The following MRPL44 variants were observed in gnomAD, a reference collection of about 807,000 sequenced individuals.
MRPL44 encodes mitochondrial ribosomal protein L44.
A neutral mutation model predicts 25.9 loss-of-function variants in MRPL44; 21 were observed. The ratio of observed to expected loss-of-function variants is 0.81; its 90% CI spans 0.58 to 1.17. MRPL44 has a LOEUF of 1.17. MRPL44 is among the 50% of genes most tolerant of loss of function. The pLI, the probability that MRPL44 is intolerant of heterozygous loss-of-function variation, is 0.00. For synonymous variants in MRPL44, 169 were observed against 151.0 expected (o/e 1.12, Z -0.87); for missense variants, 410 against 398.9 (o/e 1.03, Z -0.24).
chr2:223,964,085 G>A (rs766453649), intron 3 of MRPL44, 151 bp downstream of exon 3: 2 of 576,198 alleles, frequency 3.5e-6, no homozygotes, highest in East Asian at 6.8e-5. Flanking sequence ...TGCATGAAAA[G>A]ATTTTTTAAA....
intron 2 of MRPL44, among the ~76,000 whole-genome samples, chr2:223,960,410 T>C (rs1375059066): frequency 6.6e-6 from 1 of 152,238 alleles, no homozygotes; most frequent in Non-Finnish European, 1.5e-5. Flanking sequence ...GTCCCTCTAA[T>C]GTAAAACTCT....
At chr2:223,953,268 G>A (rs192518837), upstream of MRPL44, among the ~76,000 whole-genome samples, 1 of 151,652 alleles carries the variant, frequency 6.6e-6, no homozygotes, top group Non-Finnish European at 1.5e-5. Flanking sequence ...TCGAGTAGCT[G>A]GGACTACAGG....
upstream of MRPL44, among the ~76,000 whole-genome samples, chr2:223,952,961 C>A (rs1689512362): frequency 6.6e-6 from 1 of 152,096 alleles, no homozygotes; most frequent in Non-Finnish European, 1.5e-5. Context: ...TTAAAGCCAT[C>A]ATGAGGATTG....
chr2:223,958,831 C>T (rs1689611515), intron 1 of MRPL44, among the ~76,000 whole-genome samples: 1 of 152,124 alleles, frequency 6.6e-6, no homozygotes, highest in Non-Finnish European at 1.5e-5. Flanking sequence ...TATGTTTATA[C>T]TATTCTGTAG....
At chr2:223,957,344 C>CCCGCCCCGGAGGCTGTCT, upstream of MRPL44, 1 of 1,242,116 alleles carries the variant, frequency 8.1e-7, no homozygotes, top group Non-Finnish European at 1.1e-6. Flanking sequence ...TCTCAGTCGC[C>CCCGCCCCGGAGGCTGTCT]CCGCCCCGGG....
At position 223,959,743 on chromosome 2, in the gene MRPL44, C is replaced by A; in HGVS notation, c.389C>A (p.Thr130Lys). The A allele has an allele frequency of 6.2e-7, 1 of 1,614,246 alleles. No individual in the cohort carries two copies. The highest frequency in any genetic ancestry group is 8.5e-7 in the Non-Finnish European group (1 of 1,180,038). The change falls in exon 2 of 4, where the codon ACA becomes AAA. Residue 130 changes from threonine to lysine, a missense_variant. By Grantham distance (78) the Thr-to-Lys change is moderately conservative (BLOSUM62 -1). Coordinates refer to ENST00000258383, the MANE Select transcript of MRPL44 (RefSeq NM_022915.5). ...AATCAAGAACTATCCGAACAAGGGA[C>A]ATCTTTTTCACAGACTTGCCTTACA... ...KSNQELSEQGTSFSQTCLTQF... is the reference protein window; with the variant it reads ...KSNQELSEQGKSFSQTCLTQF...
At chr2:223,952,161 C>T in the MRPL44 span, among the ~76,000 whole-genome samples, 1 of 152,182 alleles carries the variant, frequency 6.6e-6, no homozygotes, top group Admixed American at 6.5e-5. Context: ...ACTCCCTAAC[C>T]GACTTGCTTC....
At chr2:223,957,257 A>T (rs574119375), upstream of MRPL44, 7 of 610,844 alleles carry the variant, frequency 1.1e-5, no homozygotes, top group South Asian at 1.4e-4. Flanking sequence ...ACTCGAAGAG[A>T]GGAGAGAACT....
chr2:223,953,208 C>T (rs1249235250), upstream of MRPL44, among the ~76,000 whole-genome samples: 1 of 150,472 alleles, frequency 6.6e-6, no homozygotes, highest in African/African-American at 2.5e-5. Context: ...TATCTTGGCT[C>T]ACTGCAACCT....
At chr2:223,952,086 A>G in the MRPL44 span, among the ~76,000 whole-genome samples, 1 of 152,074 alleles carries the variant, frequency 6.6e-6, no homozygotes, top group Non-Finnish European at 1.5e-5. Context: ...TATCAGATCC[A>G]CTTTATGTGT....
upstream of MRPL44, among the ~76,000 whole-genome samples, chr2:223,953,155 G>T (rs1361896282): frequency 1.4e-5 from 2 of 143,396 alleles, no homozygotes; most frequent in African/African-American, 2.6e-5. Context: ...TTTTTTCCGA[G>T]ACAGAGTCTG....
chr2:223,959,485 A>T, intron 1 of MRPL44, 49 bp from the exon 2 acceptor site: 1 of 1,370,450 alleles, frequency 7.3e-7, no homozygotes, highest in Non-Finnish European at 1.0e-6. Context: ...TTTATATCAC[A>T]GTAACAGGTT....
chr2:223,958,703 A>T (rs776210789), intron 1 of MRPL44, among the ~76,000 whole-genome samples: 1 of 152,184 alleles, frequency 6.6e-6, no homozygotes, highest in East Asian at 1.9e-4. Context: ...ATACAGGAGG[A>T]TGTGCATAGG....
chr2:223,955,571 G>C (rs1299904890), upstream of MRPL44, among the ~76,000 whole-genome samples: 1 of 152,092 alleles, frequency 6.6e-6, no homozygotes, highest in African/African-American at 2.4e-5. Context: ...AATATCCCTG[G>C]CATCAAAACA....
At chr2:223,959,324 C>G (rs987506987) in intron 1 of MRPL44, among the ~76,000 whole-genome samples, 2 of 152,130 alleles carry the variant, frequency 1.3e-5, no homozygotes, top group Non-Finnish European at 2.9e-5. Context: ...GAAAATTAAT[C>G]CAGTCATATA....
upstream of MRPL44, among the ~76,000 whole-genome samples, chr2:223,955,018 C>T (rs1689544246): frequency 6.6e-6 from 1 of 152,220 alleles, no homozygotes; most frequent in Non-Finnish European, 1.5e-5. Context: ...ATTTTCTATA[C>T]AGCACAAGTA....
At chr2:223,952,716 T>G (rs1325928205), upstream of MRPL44, among the ~76,000 whole-genome samples, 1 of 152,222 alleles carries the variant, frequency 6.6e-6, no homozygotes, top group Non-Finnish European at 1.5e-5. Context: ...CTTGTAAAAG[T>G]AGCCGAGTCT....
intron 3 of MRPL44, among the ~76,000 whole-genome samples, chr2:223,966,085 G>T (rs1022645498): frequency 6.6e-6 from 1 of 152,052 alleles, no homozygotes; most frequent in Non-Finnish European, 1.5e-5. Context: ...CTAGCTGGGC[G>T]TGTTGGCGGG....
chr2:223,959,167 G>C (rs552677646), intron 1 of MRPL44, among the ~76,000 whole-genome samples: 1 of 152,150 alleles, frequency 6.6e-6, no homozygotes, highest in Non-Finnish European at 1.5e-5. Flanking sequence ...TTTATGGCTT[G>C]AATCTGTGAA....
Sources: allele counts gnomAD v4.1 joint callset (sites outside exome capture counted in the v4.1 genomes callset), GRCh38; gene constraint gnomAD v4.1.1; transcripts MANE v1.5; gene names NCBI Gene and HGNC (gene_info 2026-07-23, HGNC 2026-07-21).